Variants in NOVA1 observed in about 807,000 individuals in gnomAD.
NOVA1 encodes the protein RNA-binding protein Nova-1.
Under a neutral mutation model 38.0 loss-of-function variants are expected in NOVA1, and 7 were observed. That is an observed-to-expected ratio of 0.18 (90% confidence interval 0.10 to 0.35). NOVA1 has a LOEUF of 0.35. Among genes scored for constraint, NOVA1 ranks in the 10% least tolerant of loss-of-function variants. The probability of loss-of-function intolerance (pLI) is 1.00; values close to 1 mark genes in which losing one functional copy is unlikely to be tolerated. For missense variants in NOVA1, 460 were observed against 616.0 expected (o/e 0.75, Z 2.68); for synonymous variants, 270 against 232.5 (o/e 1.16, Z -1.47).
Position 26,443,311 on chromosome 14 carries a change from C to A in NOVA1, c.*4648G>T, listed in dbSNP as rs988493582. On this transcript the variant is annotated 3_prime_UTR_variant, in exon 5 of 5. Coordinates refer to ENST00000539517, the MANE Select transcript of NOVA1 (RefSeq NM_002515.3). ...AAAACTATTTAAAAAAAATTCGGCA[C>A]ATACACGTTAAATATTTTTCCTTAA... 1 of 151,836 alleles carries A rather than the reference C, an allele frequency of 6.6e-6. No individual in the cohort carries two copies. Among genetic ancestry groups the A allele is most frequent in the Non-Finnish European group, 1.5e-5 (1 of 67,874 alleles). 9.4% of individuals were successfully genotyped at this position (151,836 alleles called of 1,614,324 possible).
intron 2 of NOVA1, among the ~76,000 whole-genome samples, chr14:26,539,449 C>G (rs1890311442): frequency 6.6e-6 from 1 of 151,996 alleles, no homozygotes; most frequent in Non-Finnish European, 1.5e-5. Flanking sequence ...TAAAATTAAA[C>G]TGACTTGAAA....
chr14:26,564,128 A>G (rs1324101600), intron 2 of NOVA1, among the ~76,000 whole-genome samples: 1 of 152,070 alleles, frequency 6.6e-6, no homozygotes, highest in Non-Finnish European at 1.5e-5. Flanking sequence ...TGTATTATAA[A>G]CCTATTGAAC....
intron 2 of NOVA1, among the ~76,000 whole-genome samples, chr14:26,563,848 G>C (rs193205697): frequency 5.3e-4 from 80 of 152,190 alleles, no homozygotes; most frequent in African/African-American, 1.9e-3. Context: ...AGCGTTTTCA[G>C]AGATTTATTC....
intron 3 of NOVA1, among the ~76,000 whole-genome samples, chr14:26,473,849 C>T (rs1242119881): frequency 1.3e-5 from 2 of 151,956 alleles, no homozygotes; most frequent in African/African-American, 4.8e-5. Flanking sequence ...CTATAGTAAT[C>T]AGTAAATCCT....
chr14:26,456,089 T>A (rs1312330416), intron 4 of NOVA1, among the ~76,000 whole-genome samples: 1 of 152,028 alleles, frequency 6.6e-6, no homozygotes, highest in Non-Finnish European at 1.5e-5. Flanking sequence ...GTAAGACATA[T>A]GTTCAGAGTT....
intron 2 of NOVA1, among the ~76,000 whole-genome samples, chr14:26,498,311 C>A (rs2138392618): frequency 6.6e-6 from 1 of 152,052 alleles, no homozygotes; most frequent in South Asian, 2.1e-4. Context: ...CGTGATCCGC[C>A]CGCCTCGGCC....
chr14:26,557,208 G>T (rs2138667843), intron 2 of NOVA1, among the ~76,000 whole-genome samples: 1 of 152,240 alleles, frequency 6.6e-6, no homozygotes, highest in Middle Eastern at 3.4e-3. Context: ...CATCAATTTT[G>T]TGGGGACATA....
chr14:26,476,588 T>A (rs1224810017), intron 3 of NOVA1, among the ~76,000 whole-genome samples: 2 of 152,190 alleles, frequency 1.3e-5, no homozygotes, highest in African/African-American at 4.8e-5. Flanking sequence ...AGTGTTTTTC[T>A]TTCTTCTACT....
At chr14:26,546,850 T>C (rs1890819130) in intron 2 of NOVA1, among the ~76,000 whole-genome samples, 1 of 152,068 alleles carries the variant, frequency 6.6e-6, no homozygotes. Context: ...AAACCCCATC[T>C]CTACTACAAA....
At chr14:26,484,428 GAAAAAAAAAAAAA>G (rs869087238) in intron 2 of NOVA1, among the ~76,000 whole-genome samples, 10 of 56,434 alleles carry the variant, frequency 1.8e-4, no homozygotes, top group African/African-American at 5.2e-4. Flanking sequence ...ACTCCGTCTC[GAAAAAAAAAAAAA>G]AAAAAAAAAA....
At chr14:26,529,135 T>C (rs1297918749) in intron 2 of NOVA1, among the ~76,000 whole-genome samples, 2 of 151,972 alleles carry the variant, frequency 1.3e-5, no homozygotes, top group Non-Finnish European at 2.9e-5. Context: ...ATGCTTTTTT[T>C]TTTTTCCTTT....
chr14:26,595,070 G>A (rs1894105330), intron 2 of NOVA1, among the ~76,000 whole-genome samples: 1 of 152,074 alleles, frequency 6.6e-6, no homozygotes. Flanking sequence ...TCATTACAAT[G>A]ATGTCTGAAA....
chr14:26,552,872 T>C (rs1043678015), intron 2 of NOVA1, among the ~76,000 whole-genome samples: 1 of 152,168 alleles, frequency 6.6e-6, no homozygotes, highest in Non-Finnish European at 1.5e-5. Flanking sequence ...TCTGGGGTTT[T>C]AGAATACCAC....
intron 2 of NOVA1, among the ~76,000 whole-genome samples, chr14:26,561,741 T>C (rs1174018478): frequency 1.3e-5 from 2 of 152,190 alleles, no homozygotes; most frequent in African/African-American, 4.8e-5. Flanking sequence ...CTTAAAGAAA[T>C]AAAAGTTTTG....
At chr14:26,526,591 TACTC>T (rs1444076039) in intron 2 of NOVA1, among the ~76,000 whole-genome samples, 3 of 151,760 alleles carry the variant, frequency 2.0e-5, no homozygotes, top group Non-Finnish European at 4.4e-5. Context: ...TAAAAAAATA[TACTC>T]ACTTTATCAG....
intron 3 of NOVA1, chr14:26,479,232 C>T (rs2138288575): frequency 6.6e-6 from 1 of 152,050 alleles, no homozygotes; most frequent in African/African-American, 2.4e-5. Context: ...TAATTATGAA[C>T]ATAATAAATT....
At chr14:26,489,179 A>C (rs1009849785) in intron 2 of NOVA1, among the ~76,000 whole-genome samples, 2 of 152,144 alleles carry the variant, frequency 1.3e-5, no homozygotes, top group African/African-American at 2.4e-5. Flanking sequence ...AATATAGATT[A>C]ATGCATTAGA....
Position 26,575,924 on chromosome 14 carries a change from T to A in NOVA1, c.280+19486A>T, listed in dbSNP as rs1465124401. On this transcript the variant is annotated intron_variant, in intron 2 of 4. Coordinates refer to ENST00000539517, the MANE Select transcript of NOVA1 (RefSeq NM_002515.3). ...CCTAAGAGATTTAAATTAAAACAGA[T>A]AAATGAACTCTATCAACCAGAATAA... 3.3e-4 allele frequency among the ~76,000 whole-genome samples: 50 copies of A among 151,972 alleles called. 1 individual carries two copies. The highest frequency in any genetic ancestry group is 1.5e-5 in the Non-Finnish European group (1 of 67,856).
chr14:26,502,091 T>G (rs560560799), intron 2 of NOVA1, among the ~76,000 whole-genome samples: 3 of 151,968 alleles, frequency 2.0e-5, no homozygotes, highest in African/African-American at 7.2e-5. Flanking sequence ...CAGATAAAAA[T>G]GAATTGTTTG....
Sources: allele counts gnomAD v4.1 joint callset (sites outside exome capture counted in the v4.1 genomes callset), GRCh38; gene constraint gnomAD v4.1.1; transcripts MANE v1.5; gene names NCBI Gene and HGNC (gene_info 2026-07-23, HGNC 2026-07-21).